The following RABGAP1L variants were observed in gnomAD, a reference collection of about 807,000 sequenced individuals.
The protein encoded by RABGAP1L is rab GTPase-activating protein 1-like.
A neutral mutation model predicts 137.7 loss-of-function variants in RABGAP1L; 63 were observed. That is an observed-to-expected ratio of 0.46 (90% CI 0.37 to 0.56). The LOEUF is 0.56. Ranked by LOEUF, RABGAP1L falls within the 20% of genes least tolerant of loss-of-function variation. The pLI, the probability that RABGAP1L is intolerant of heterozygous loss-of-function variation, is 0.00. For missense variants in RABGAP1L, 1,095 were observed against 1,244.0 expected, an observed-to-expected ratio of 0.88 and a Z score of 1.80; for synonymous variants, 431 against 433.7, an observed-to-expected ratio of 0.99 and a Z score of 0.08.
At chr1:174,614,073 G>A (rs962355478) in intron 13 of RABGAP1L, among the ~76,000 whole-genome samples, 1 of 152,098 alleles carries the variant, frequency 6.6e-6, no homozygotes, top group Admixed American at 6.5e-5. Context: ...AGTTAATATT[G>A]TTATGTGTGA....
At chr1:174,281,843 A>G (rs1675591859) in intron 10 of RABGAP1L, among the ~76,000 whole-genome samples, 1 of 152,236 alleles carries the variant, frequency 6.6e-6, no homozygotes, top group Non-Finnish European at 1.5e-5. Context: ...CCTCACTCTT[A>G]AAAGTTCTAT....
chr1:174,441,502 AG>A (rs1010743865), intron 13 of RABGAP1L, among the ~76,000 whole-genome samples: 4 of 152,124 alleles, frequency 2.6e-5, no homozygotes, highest in African/African-American at 4.8e-5. Flanking sequence ...TGGGAGGCTG[AG>A]GGGGGTGGAT....
chr1:174,680,584 C>T (rs775805205), intron 14 of RABGAP1L, among the ~76,000 whole-genome samples: 17 of 152,100 alleles, frequency 1.1e-4, no homozygotes, highest in South Asian at 2.1e-4. Context: ...ATGAAGAACT[C>T]GTAGGAACCA....
chr1:174,495,765 G>A (rs911733230), intron 13 of RABGAP1L, among the ~76,000 whole-genome samples: 2 of 152,096 alleles, frequency 1.3e-5, no homozygotes, highest in Non-Finnish European at 2.9e-5. Flanking sequence ...TATTACTTCA[G>A]TTCCTCATCT....
In RABGAP1L at chr1:174,964,734, C is replaced by T; in HGVS notation, c.2434-4543C>T. The T allele has an allele frequency of 2.5e-6, 3 of 1,204,568 alleles. 1 individual carries two copies. Among genetic ancestry groups the T allele is most frequent in the South Asian group, 3.6e-5 (2 of 56,122 alleles). The allele number at this position is 1,204,568 out of a possible 1,614,324, so 74.6% of individuals were successfully genotyped here. On this transcript the variant is annotated intron_variant, in intron 20 of 25. Coordinates refer to ENST00000681986, the MANE Select transcript of RABGAP1L (RefSeq NM_001366446.1). Reference sequence around the variant, plus strand: ...GAGGGAGGAGTTTGAAGATATGAGTCTTCCTGAGTTGAGACTTGCCCACTG... The same window carrying T: ...GAGGGAGGAGTTTGAAGATATGAGTTTTCCTGAGTTGAGACTTGCCCACTG...
chr1:174,576,035 T>C lies in RABGAP1L; in HGVS notation c.1711-61340T>C, dbSNP rs144065551. Among the ~76,000 whole-genome samples the C allele has an allele frequency of 5.8e-3, 877 of 152,304 alleles. 8 individuals are homozygous for C. The highest frequency in any genetic ancestry group is 0.02 in the African/African-American group (837 of 41,582). ...TATACAGAGAAAAGAATTTACAGTA[T>C]AGTGTGTGCATCAGTAATTTCTAAC... On this transcript the variant is annotated intron_variant, in intron 13 of 25. Transcript: ENST00000681986.
intron 13 of RABGAP1L, among the ~76,000 whole-genome samples, chr1:174,488,923 A>G (rs1411018417): frequency 2.4e-5 from 1 of 41,154 alleles, no homozygotes; most frequent in Non-Finnish European, 4.4e-5. Context: ...CCCTCCCCCC[A>G]CCCCACAACA....
chr1:174,201,602 C>CT (rs144476158), intron 1 of RABGAP1L, among the ~76,000 whole-genome samples: 13,795 of 150,198 alleles, frequency 0.092, 843 homozygotes, highest in East Asian at 0.22. Flanking sequence ...TTGTATTTTT[C>CT]TTTTTTTTGT....
intron 13 of RABGAP1L, among the ~76,000 whole-genome samples, chr1:174,469,197 G>A (rs1045855021): frequency 6.6e-6 from 1 of 152,042 alleles, no homozygotes; most frequent in African/African-American, 2.4e-5. Context: ...GTAGTCCCAG[G>A]TAATAAGTTT....
intron 19 of RABGAP1L, among the ~76,000 whole-genome samples, chr1:174,879,937 A>G (rs1653874187): frequency 6.6e-6 from 1 of 152,038 alleles, no homozygotes; most frequent in Non-Finnish European, 1.5e-5. Context: ...ACTAAAAATA[A>G]CAAAGATCAG....
chr1:174,422,211 A>G, intron 13 of RABGAP1L, among the ~76,000 whole-genome samples: 1 of 152,130 alleles, frequency 6.6e-6, no homozygotes, highest in East Asian at 1.9e-4. Context: ...ATGGCTTTTG[A>G]ACAAGGGCCC....
At chr1:174,467,641 C>T (rs1657453167) in intron 13 of RABGAP1L, among the ~76,000 whole-genome samples, 1 of 152,018 alleles carries the variant, frequency 6.6e-6, no homozygotes, top group South Asian at 2.1e-4. Flanking sequence ...TATGTTTAAT[C>T]CTTTTAGCAA....
intron 19 of RABGAP1L, among the ~76,000 whole-genome samples, chr1:174,838,917 CAAAAAAAAAAAAAAAAAA>C (rs58265128): frequency 3.4e-3 from 77 of 22,452 alleles, no homozygotes; most frequent in East Asian, 0.021. Flanking sequence ...GACTCCGTCT[CAAAAAAAAAAAAAAAAAA>C]AAAAAAAAAA....
chr1:174,446,142 T>C (rs1157426478), intron 13 of RABGAP1L, among the ~76,000 whole-genome samples: 4 of 152,282 alleles, frequency 2.6e-5, no homozygotes, highest in Non-Finnish European at 1.5e-5. Flanking sequence ...GCTGAGAGAT[T>C]GTGAAGAATA....
intron 11 of RABGAP1L, among the ~76,000 whole-genome samples, chr1:174,361,858 T>C (rs538001025): frequency 6.6e-6 from 1 of 152,354 alleles, no homozygotes; most frequent in Non-Finnish European, 1.5e-5. Flanking sequence ...TGGGGGTTTG[T>C]TGTACAGATT....
At chr1:174,986,396 C>A (rs1326830394) in intron 24 of RABGAP1L, among the ~76,000 whole-genome samples, 1 of 152,212 alleles carries the variant, frequency 6.6e-6, no homozygotes, top group Non-Finnish European at 1.5e-5. Context: ...CCCCTCTAAA[C>A]TTCTGCTTAC....
intron 13 of RABGAP1L, among the ~76,000 whole-genome samples, chr1:174,586,148 G>A (rs986908520): frequency 6.6e-6 from 1 of 152,010 alleles, no homozygotes; most frequent in African/African-American, 2.4e-5. Flanking sequence ...TGATAGACTG[G>A]GTAAAGAAAA....
chr1:174,613,994 G>T (rs936893017), intron 13 of RABGAP1L, among the ~76,000 whole-genome samples: 13 of 152,084 alleles, frequency 8.5e-5, no homozygotes, highest in African/African-American at 2.7e-4. Context: ...ACACTGATGG[G>T]TCTTGACTCT....
intron 21 of RABGAP1L, among the ~76,000 whole-genome samples, chr1:174,974,366 A>T (rs1041358550): frequency 1.3e-5 from 2 of 151,928 alleles, no homozygotes; most frequent in Non-Finnish European, 2.9e-5. Flanking sequence ...TTTGTGAGTA[A>T]CCTCAGTCAG....
Sources: gnomAD v4.1 joint callset for allele counts (sites outside exome capture counted in the v4.1 genomes callset) on GRCh38, gnomAD v4.1.1 for gene constraint, MANE v1.5 for transcripts, NCBI Gene and HGNC (gene_info 2026-07-23, HGNC 2026-07-21) for gene names.